The following SNRPN variants were observed in gnomAD, a reference collection of about 807,000 sequenced individuals.
SNRPN encodes small nuclear ribonucleoprotein polypeptide N.
A neutral mutation model predicts 25.2 loss-of-function variants in SNRPN; 7 were observed. The observed-to-expected ratio is 0.28, with a 90% CI of 0.16 to 0.52. The LOEUF (loss-of-function observed/expected upper bound fraction) is 0.52, where lower values mean the gene tolerates loss of function less well. SNRPN is among the 20% of genes least tolerant of loss of function. The pLI is 0.96. For missense variants in SNRPN, 196 were observed against 322.5 expected (o/e 0.61, Z 3.00); for synonymous variants, 124 against 110.6 (o/e 1.12, Z -0.76).
chr15:24,937,762 C>A (rs1263730443), intron 3 of SNRPN, among the ~76,000 whole-genome samples: 1 of 152,084 alleles, frequency 6.6e-6, no homozygotes, highest in East Asian at 1.9e-4. Flanking sequence ...AATAATAACT[C>A]CGTTTCCTCC....
At chr15:24,865,659 A>G (rs541483183) in intron 1 of SNRPN, among the ~76,000 whole-genome samples, 1 of 152,316 alleles carries the variant, frequency 6.6e-6, no homozygotes, top group South Asian at 2.1e-4. Context: ...GTTAGAACAT[A>G]GTTTATTCTT....
upstream of SNRPN, among the ~76,000 whole-genome samples, chr15:24,950,157 A>G (rs535688722): frequency 6.6e-5 from 10 of 150,886 alleles, no homozygotes; most frequent in East Asian, 2.0e-3. Context: ...GTTGATGAGC[A>G]TTTGAGTTGT....
intron 4 of SNRPN, chr15:24,975,060 T>C (rs969577525): frequency 1.5e-6 from 1 of 686,094 alleles, no homozygotes; most frequent in Non-Finnish European, 2.6e-6. Flanking sequence ...CCTACATCAT[T>C]GTGGTTTGGT....
intron 1 of SNRPN, among the ~76,000 whole-genome samples, chr15:24,862,029 C>G (rs773047824): frequency 6.6e-6 from 1 of 150,894 alleles, no homozygotes; most frequent in Non-Finnish European, 1.5e-5. Context: ...CCTGTTCACA[C>G]CTGTTCTGTA....
chr15:24,879,439 C>CAA lies in SNRPN; in HGVS notation c.-578-7068_-578-7067dup, dbSNP rs10688286. On this transcript the variant is annotated intron_variant, in intron 1 of 11. Transcript: ENST00000400097. ...AGGACAGAGTGCGATTCTGTCTCTACAAAAAAAAAAGAAAGAAAGAAATTA... is the reference window on the plus strand; with the variant it reads ...AGGACAGAGTGCGATTCTGTCTCTACAAAAAAAAAAAAGAAAGAAAGAAATTA... 1.1e-3 allele frequency among the ~76,000 whole-genome samples: 159 copies of CAA among 145,280 alleles called. 1 individual carries two copies. The highest frequency in any genetic ancestry group is 2.6e-3 in the African/African-American group (104 of 39,598).
intron 3 of SNRPN, among the ~76,000 whole-genome samples, chr15:24,924,353 G>A (rs112777993): frequency 3.9e-5 from 6 of 151,942 alleles, no homozygotes; most frequent in East Asian, 1.9e-4. Flanking sequence ...GGTAACAGCC[G>A]GTGACAAAGT....
At chr15:24,892,193 A>C (rs1374467234) in intron 2 of SNRPN, among the ~76,000 whole-genome samples, 1 of 152,198 alleles carries the variant, frequency 6.6e-6, no homozygotes, top group Admixed American at 6.5e-5. Flanking sequence ...ATTTCCAAAT[A>C]GTCTTTTTTT....
At chr15:24,853,542 C>T (rs35837677), upstream of SNRPN, among the ~76,000 whole-genome samples, 23,288 of 152,052 alleles carry the variant, frequency 0.15, 2,219 homozygotes, top group East Asian at 0.33. Flanking sequence ...TACAGGCGCC[C>T]GCCACCACGC....
intron 1 of SNRPN, among the ~76,000 whole-genome samples, chr15:24,958,496 T>G (rs902089716): frequency 1.8e-5 from 2 of 108,632 alleles, no homozygotes; most frequent in African/African-American, 4.6e-5. Flanking sequence ...GTTTTTTTTT[T>G]TTTTTTTTTT....
upstream of SNRPN, among the ~76,000 whole-genome samples, chr15:24,854,270 T>C (rs2053172379): frequency 6.6e-6 from 1 of 152,176 alleles, no homozygotes; most frequent in African/African-American, 2.4e-5. Flanking sequence ...TTCCACTAAC[T>C]GTAGGGGACA....
At chr15:24,971,298 C>T (rs938604862) in intron 3 of SNRPN, among the ~76,000 whole-genome samples, 1 of 152,126 alleles carries the variant, frequency 6.6e-6, no homozygotes, top group Non-Finnish European at 1.5e-5. Context: ...CGTCGCCTTT[C>T]TCATGAAGTT....
At chr15:24,863,982 G>A (rs2054270467) in intron 1 of SNRPN, among the ~76,000 whole-genome samples, 1 of 147,094 alleles carries the variant, frequency 6.8e-6, no homozygotes, top group Non-Finnish European at 1.5e-5. Context: ...ATTTTTAGAT[G>A]TTTTTTCTTT....
intron 2 of SNRPN, among the ~76,000 whole-genome samples, chr15:24,914,809 A>G (rs1261556784): frequency 6.6e-6 from 1 of 152,148 alleles, no homozygotes; most frequent in Admixed American, 6.6e-5. Context: ...ATTCAGGACC[A>G]TTGTGATAGA....
At chr15:24,849,861 G>A (rs1166419951) in intron 2 of SNRPN, 1 of 152,150 alleles carries the variant, frequency 6.6e-6, no homozygotes, top group East Asian at 1.9e-4. Context: ...TATACTTATT[G>A]AAAAAATCCT....
At chr15:24,913,714 T>C (rs968118404) in intron 2 of SNRPN, among the ~76,000 whole-genome samples, 1 of 151,912 alleles carries the variant, frequency 6.6e-6, no homozygotes, top group Non-Finnish European at 1.5e-5. Flanking sequence ...AACACTCAGT[T>C]TATTTTTTAG....
At chr15:24,925,883 C>T (rs61999148) in intron 3 of SNRPN, among the ~76,000 whole-genome samples, 4,680 of 152,060 alleles carry the variant, frequency 0.031, 149 homozygotes, top group East Asian at 0.14. Context: ...CGGTAGCGCC[C>T]GCAACCACAC....
chr15:24,829,076 A>G (rs1050862389), intron 1 of SNRPN, among the ~76,000 whole-genome samples: 2 of 152,134 alleles, frequency 1.3e-5, no homozygotes, highest in Admixed American at 6.5e-5. Context: ...ATAGGTGAGG[A>G]GTTTGAGAGA....
intron 3 of SNRPN, among the ~76,000 whole-genome samples, chr15:24,944,496 G>T (rs893929333): frequency 6.6e-6 from 1 of 152,138 alleles, no homozygotes; most frequent in South Asian, 2.1e-4. Flanking sequence ...TCAGGAGTTC[G>T]AGAGTGGCCT....
At chr15:24,973,314 G>A (rs767179264) in intron 3 of SNRPN, among the ~76,000 whole-genome samples, 2 of 152,170 alleles carry the variant, frequency 1.3e-5, no homozygotes, top group African/African-American at 2.4e-5. Context: ...TATCCTCTAG[G>A]TTTGTGTAAG....
Sources: gnomAD v4.1 joint callset for allele counts (sites outside exome capture counted in the v4.1 genomes callset) on GRCh38, gnomAD v4.1.1 for gene constraint, MANE v1.5 for transcripts, NCBI Gene and HGNC (gene_info 2026-07-23, HGNC 2026-07-21) for gene names.